FBXL17: variants seen among roughly 807,000 people sequenced by gnomAD.
The protein encoded by FBXL17 is F-box/LRR-repeat protein 17.
In FBXL17, 22 loss-of-function variants were observed where a neutral mutation model predicts 66.2. The observed-to-expected ratio is 0.33, with a 90% CI of 0.24 to 0.47. FBXL17 has a LOEUF of 0.47. Ranked by LOEUF, FBXL17 falls within the 20% of genes least tolerant of loss-of-function variation. FBXL17 has a pLI of 1.00. For synonymous variants in FBXL17, 474 were observed against 400.5 expected (o/e 1.18, Z -2.19); for missense variants, 878 against 948.2 (o/e 0.93, Z 0.97).
chr5:108,201,621 AT>A (rs1282381752), intron 5 of FBXL17, among the ~76,000 whole-genome samples: 3 of 151,932 alleles, frequency 2.0e-5, no homozygotes, highest in East Asian at 3.9e-4. Context: ...AGATATGCTT[AT>A]TTTTTTCTCA....
At chr5:107,901,730 A>T (rs1749573294) in intron 7 of FBXL17, among the ~76,000 whole-genome samples, 1 of 152,178 alleles carries the variant, frequency 6.6e-6, no homozygotes, top group African/African-American at 2.4e-5. Context: ...TAATAAGTAC[A>T]TTGTTCGGTT....
chr5:108,183,436 CTTCA>C (rs1308704480), intron 6 of FBXL17, among the ~76,000 whole-genome samples: 2 of 152,098 alleles, frequency 1.3e-5, no homozygotes, highest in African/African-American at 2.4e-5. Flanking sequence ...TATTTATGTA[CTTCA>C]TTATTTGTTA....
chr5:107,980,645 A>AATATATATATAT (rs61438456), intron 7 of FBXL17, among the ~76,000 whole-genome samples: 15 of 79,200 alleles, frequency 1.9e-4, no homozygotes, highest in East Asian at 8.4e-4. Flanking sequence ...CCAATAAAAT[A>AATATATATATAT]ATATATATAT....
At chr5:108,106,156 G>C (rs1000048227) in intron 6 of FBXL17, among the ~76,000 whole-genome samples, 1 of 152,146 alleles carries the variant, frequency 6.6e-6, no homozygotes, top group Non-Finnish European at 1.5e-5. Flanking sequence ...CTCCACCACA[G>C]TCTATAGCAG....
At chr5:108,044,595 T>C (rs1000931791) in intron 6 of FBXL17, among the ~76,000 whole-genome samples, 1 of 152,180 alleles carries the variant, frequency 6.6e-6, no homozygotes, top group African/African-American at 2.4e-5. Context: ...CAGCTTTACT[T>C]CTTTGAAGTG....
intron 4 of FBXL17, chr5:108,298,245 T>C: frequency 1.0e-6 from 1 of 984,524 alleles, no homozygotes; most frequent in Non-Finnish European, 1.2e-6. Flanking sequence ...TAAGTTATAG[T>C]CTTCTTGCTA....
intron 4 of FBXL17, among the ~76,000 whole-genome samples, chr5:108,268,077 T>C (rs775690631): frequency 6.6e-5 from 10 of 151,976 alleles, no homozygotes; most frequent in Non-Finnish European, 1.5e-4. Context: ...TCCCATCCTC[T>C]AGTATAGTAA....
chr5:108,166,280 A>C (rs755705332), intron 6 of FBXL17, among the ~76,000 whole-genome samples: 1 of 152,174 alleles, frequency 6.6e-6, no homozygotes, highest in South Asian at 2.1e-4. Flanking sequence ...GCCTGGAAAA[A>C]CAGAGCAAGA....
intron 4 of FBXL17, among the ~76,000 whole-genome samples, chr5:108,335,308 G>C (rs1760327804): frequency 6.9e-6 from 1 of 144,404 alleles, no homozygotes. Context: ...AGGCTTAGAG[G>C]ATAGTATGAC....
At chr5:108,140,372 A>G (rs80010024) in intron 6 of FBXL17, among the ~76,000 whole-genome samples, 2,267 of 152,226 alleles carry the variant, frequency 0.015, 59 homozygotes, top group African/African-American at 0.052. Context: ...CTAAGAAAAG[A>G]GTCTTCTTTT....
intron 4 of FBXL17, among the ~76,000 whole-genome samples, chr5:108,238,203 A>G (rs1421967339): frequency 6.6e-6 from 1 of 152,248 alleles, no homozygotes; most frequent in East Asian, 1.9e-4. Context: ...TTTATAAATC[A>G]TTTCAGTAAG....
intron 6 of FBXL17, among the ~76,000 whole-genome samples, chr5:108,132,056 A>T (rs1334650904): frequency 6.6e-6 from 1 of 151,584 alleles, no homozygotes; most frequent in East Asian, 1.9e-4. Context: ...GGTTCATCGC[A>T]ACCTCCGCCT....
chr5:108,376,556 T>C (rs1749436381), intron 1 of FBXL17, among the ~76,000 whole-genome samples: 1 of 152,200 alleles, frequency 6.6e-6, no homozygotes, highest in African/African-American at 2.4e-5. Flanking sequence ...GTTGGGTCAA[T>C]GTCATCATAT....
intron 6 of FBXL17, among the ~76,000 whole-genome samples, chr5:108,149,071 G>T (rs1035392591): frequency 6.6e-6 from 1 of 152,154 alleles, no homozygotes; most frequent in Non-Finnish European, 1.5e-5. Flanking sequence ...GCAAATGACA[G>T]GTTCTAATTA....
intron 5 of FBXL17, among the ~76,000 whole-genome samples, chr5:108,198,692 A>G (rs951972771): frequency 6.6e-6 from 1 of 152,230 alleles, no homozygotes; most frequent in Non-Finnish European, 1.5e-5. Flanking sequence ...TTCTATAAAC[A>G]GTTCCAAGAG....
At chr5:108,027,171 C>T (rs1332792852) in intron 6 of FBXL17, among the ~76,000 whole-genome samples, 1 of 152,134 alleles carries the variant, frequency 6.6e-6, no homozygotes, top group Non-Finnish European at 1.5e-5. Flanking sequence ...AATGTTTAAA[C>T]TTAATTTGAG....
chr5:108,110,192 G>T (rs760406873), intron 6 of FBXL17, among the ~76,000 whole-genome samples: 2 of 151,980 alleles, frequency 1.3e-5, no homozygotes, highest in Non-Finnish European at 2.9e-5. Context: ...AAATCCAGTG[G>T]TTTACTGGGT....
chr5:108,242,598 T>C (rs142264381), intron 4 of FBXL17, among the ~76,000 whole-genome samples: 1 of 152,304 alleles, frequency 6.6e-6, no homozygotes, highest in East Asian at 1.9e-4. Context: ...TGAAATATTT[T>C]AGCTTTTAAT....
At chr5:108,077,635 C>G (rs1748602778) in intron 6 of FBXL17, among the ~76,000 whole-genome samples, 1 of 150,578 alleles carries the variant, frequency 6.6e-6, no homozygotes, top group South Asian at 2.1e-4. Context: ...TGCACTCCAG[C>G]CTGGTTAACA....
Sources: allele counts gnomAD v4.1 joint callset (sites outside exome capture counted in the v4.1 genomes callset), GRCh38; gene constraint gnomAD v4.1.1; transcripts MANE v1.5; gene names NCBI Gene and HGNC (gene_info 2026-07-23, HGNC 2026-07-21).